Variants in MTERF4 observed in about 807,000 individuals in gnomAD.
MTERF4 encodes mitochondrial transcription termination factor 4.
MTERF4 carries 17 observed loss-of-function variants against 22.5 expected under a neutral mutation model. The ratio of observed to expected loss-of-function variants is 0.75; its 90% CI spans 0.52 to 1.13. The LOEUF (loss-of-function observed/expected upper bound fraction) is 1.13. Among genes scored for constraint, MTERF4 ranks in the 50% most tolerant of loss-of-function variants. The pLI is 0.00. For missense variants in MTERF4, 420 were observed against 466.8 expected (o/e 0.90, Z 0.92); for synonymous variants, 165 against 175.3 (o/e 0.94, Z 0.47).
chr2:241,071,963 T>G, downstream of MTERF4: 2 of 1,125,564 alleles, frequency 1.8e-6, no homozygotes, highest in Non-Finnish European at 2.6e-6. Flanking sequence ...CCCTACATGA[T>G]GAGCCCACCC....
the MTERF4 span, chr2:241,065,646 G>C: frequency 6.5e-7 from 1 of 1,530,594 alleles, no homozygotes; most frequent in Non-Finnish European, 8.9e-7. Flanking sequence ...CCCCTCGAGG[G>C]CAGCGCTGGC....
Position 241,099,382 on chromosome 2 carries a change from G to GC in MTERF4, c.520+13dup. 6.2e-7 allele frequency: 1 copy of GC among 1,604,092 alleles called. No individual in the cohort carries two copies. Among genetic ancestry groups the GC allele is most frequent in the Non-Finnish European group, 8.5e-7 (1 of 1,174,180 alleles). On this transcript the variant is annotated intron_variant, in intron 2 of 3. Transcript: ENST00000391980. Reference sequence around the variant, plus strand: ...GAGCCACCGCACCCAGCCAAAATCTGCAACTTCTTGTACCTTCTCCAAGCC... The same window carrying GC: ...GAGCCACCGCACCCAGCCAAAATCTGCCAACTTCTTGTACCTTCTCCAAGCC...
downstream of MTERF4, among the ~76,000 whole-genome samples, chr2:241,082,865 G>A (rs914814018): frequency 4.0e-5 from 6 of 151,808 alleles, no homozygotes; most frequent in African/African-American, 9.7e-5. Flanking sequence ...TGACTCTGTC[G>A]GTCACACAGT....
At chr2:241,053,932 G>A in the MTERF4 span, among the ~76,000 whole-genome samples, 2 of 152,218 alleles carry the variant, frequency 1.3e-5, no homozygotes, top group African/African-American at 4.8e-5. Context: ...AAGTCTGTGT[G>A]ATGTGAGCTA....
intron 1 of MTERF4, 127 bp downstream of exon 1, chr2:241,102,126 C>T: frequency 2.3e-6 from 3 of 1,324,220 alleles, no homozygotes; most frequent in East Asian, 2.6e-5. Flanking sequence ...AAAACCAGGT[C>T]AGCGTGCACG....
intron 4 of MTERF4, among the ~76,000 whole-genome samples, chr2:241,080,839 G>T (rs555822787): frequency 6.6e-6 from 1 of 152,252 alleles, no homozygotes; most frequent in Non-Finnish European, 1.5e-5. Context: ...TCACGCTGCC[G>T]TGCCTGTGTG....
chr2:241,051,877 C>A, the MTERF4 span: 2 of 1,524,358 alleles, frequency 1.3e-6, no homozygotes, highest in Non-Finnish European at 1.8e-6. This position sits in a 1 kb window ranked among gnomAD's most constrained non-coding sequence, Gnocchi z 4.7. Context: ...CCCCCAGGGG[C>A]AGGGGGGAGG....
chr2:241,044,226 A>C, the MTERF4 span, among the ~76,000 whole-genome samples: 3 of 152,242 alleles, frequency 2.0e-5, no homozygotes. Flanking sequence ...TTAAAATGTA[A>C]AATGATTAAA....
chr2:241,082,573 C>G (rs1341366918), downstream of MTERF4, among the ~76,000 whole-genome samples: 1 of 152,222 alleles, frequency 6.6e-6, no homozygotes, highest in African/African-American at 2.4e-5. Context: ...CCATGCAGCT[C>G]AGGAGCAGGG....
exon 5 of MTERF4, chr2:241,072,467 A>C (rs765331650): frequency 8.5e-6 from 3 of 352,928 alleles, no homozygotes; most frequent in Non-Finnish European, 1.7e-5. Flanking sequence ...CCCAGAGGGG[A>C]CCTCTCTGGC....
chr2:241,101,391 G>A (rs528743413), intron 1 of MTERF4, among the ~76,000 whole-genome samples: 2 of 152,376 alleles, frequency 1.3e-5, no homozygotes, highest in Admixed American at 6.5e-5. Context: ...AGCGAAGGGA[G>A]CGGCTGTAAA....
the MTERF4 span, chr2:241,053,169 C>T: frequency 1.9e-6 from 3 of 1,610,668 alleles, no homozygotes; most frequent in African/African-American, 1.3e-5. Flanking sequence ...ACTGCGGCCC[C>T]CCGGAGGAGG....
At chr2:241,076,766 G>C (rs948438130) in intron 4 of MTERF4, among the ~76,000 whole-genome samples, 1 of 150,470 alleles carries the variant, frequency 6.6e-6, no homozygotes, top group Non-Finnish European at 1.5e-5. Context: ...GGCCGGGCGC[G>C]GGGGCTCACG....
At chr2:241,068,628 T>G (rs987848017), downstream of MTERF4, among the ~76,000 whole-genome samples, 12 of 151,700 alleles carry the variant, frequency 7.9e-5, no homozygotes, top group Admixed American at 1.3e-4. This position sits in a 1 kb window ranked among gnomAD's most constrained non-coding sequence, Gnocchi z 5.3. Flanking sequence ...ACTTCCCCCT[T>G]CTCTGGCCTC....
the MTERF4 span, chr2:241,049,768 C>A: frequency 6.8e-7 from 1 of 1,465,598 alleles, no homozygotes; most frequent in Non-Finnish European, 9.5e-7. Flanking sequence ...TTGCCGCCCG[C>A]ACAGATGCGG....
downstream of MTERF4, chr2:241,068,037 G>C (rs375681073): frequency 2.7e-5 from 33 of 1,213,754 alleles, no homozygotes; most frequent in African/African-American, 3.2e-4. This position sits in a 1 kb window ranked among gnomAD's most constrained non-coding sequence, Gnocchi z 5.3. Flanking sequence ...CACATTCTCC[G>C]TGTGTGGACT....
At chr2:241,067,959 C>T, downstream of MTERF4, 2 of 1,599,746 alleles carry the variant, frequency 1.3e-6, no homozygotes, top group Middle Eastern at 1.7e-4. Context: ...TAAGAAGGGA[C>T]ACCCAGAGCA....
At chr2:241,079,634 CA>C (rs1021160293) in intron 4 of MTERF4, among the ~76,000 whole-genome samples, 4 of 150,616 alleles carry the variant, frequency 2.7e-5, no homozygotes, top group Non-Finnish European at 4.4e-5. Flanking sequence ...ACTTTAGAAC[CA>C]AAAAAAAGGT....
downstream of MTERF4, chr2:241,095,075 C>G (rs867559287): frequency 2.6e-4 from 21 of 79,586 alleles, no homozygotes; most frequent in African/African-American, 6.3e-4. Flanking sequence ...CCCCCCCCCC[C>G]ACACCCACCT....
Sources: allele counts gnomAD v4.1 joint callset (sites outside exome capture counted in the v4.1 genomes callset), GRCh38; gene constraint gnomAD v4.1.1; non-coding constraint Gnocchi (gnomAD v3.1); transcripts MANE v1.5; gene names NCBI Gene and HGNC (gene_info 2026-07-23, HGNC 2026-07-21).